The following NRXN1 variants were observed in gnomAD, a reference collection of about 807,000 sequenced individuals.
NRXN1 encodes neurexin 1.
A neutral mutation model predicts 150.9 loss-of-function variants in NRXN1; 39 were observed. That is an observed-to-expected ratio of 0.26 (90% CI 0.20 to 0.34). NRXN1 has a LOEUF of 0.34. Among genes scored for constraint, NRXN1 ranks in the 10% least tolerant of loss-of-function variants. The pLI is 1.00. For missense variants in NRXN1, 1,815 were observed against 1,949.9 expected (o/e 0.93, Z 1.30); for synonymous variants, 924 against 757.0 (o/e 1.22, Z -3.62).
Position 50,162,647 on chromosome 2 carries a change from A to T in NRXN1, c.3547-71153T>A, listed in dbSNP as rs575595288. 3.3e-5 allele frequency among the ~76,000 whole-genome samples: 5 copies of T among 152,268 alleles called. No homozygotes were observed. The East Asian group carries it at 9.6e-4, about 29-fold the overall frequency. On this transcript the variant is annotated intron_variant, in intron 18 of 22. Transcript: ENST00000401669. Reference sequence around the variant, plus strand: ...ACATGATTTCAAATGTATATTACACACACACACAATGGAATATAGACATTT... The same window carrying T: ...ACATGATTTCAAATGTATATTACACTCACACACAATGGAATATAGACATTT...
In NRXN1 at chr2:50,042,329, C is replaced by T. The variant is rs115105385; in HGVS notation, c.4128+10942G>A. 8.4e-3 allele frequency among the ~76,000 whole-genome samples: 1,275 copies of T among 152,182 alleles called. 11 individuals carry two copies. Among genetic ancestry groups the T allele is most frequent in the African/African-American group, 0.029 (1,207 of 41,544 alleles). On this transcript the variant is annotated intron_variant, in intron 21 of 22. Coordinates refer to ENST00000401669, the MANE Select transcript of NRXN1 (RefSeq NM_001330078.2). ...AACTGAATCAGGGAGGTGGTTTCCC[C>T]CATGCTATTCTCATGATGGTAAGTT...
chr2:50,026,398 C>A (rs530112036), intron 21 of NRXN1, among the ~76,000 whole-genome samples: 1 of 152,284 alleles, frequency 6.6e-6, no homozygotes, highest in South Asian at 2.1e-4. Context: ...TATTTTTCAA[C>A]ACCAAATGAA....
At chr2:50,500,128 AT>A in intron 13 of NRXN1, among the ~76,000 whole-genome samples, 1 of 152,212 alleles carries the variant, frequency 6.6e-6, no homozygotes, top group South Asian at 2.1e-4. Flanking sequence ...TCTGAAAAAA[AT>A]ATTTCTAACA....
intron 15 of NRXN1, among the ~76,000 whole-genome samples, chr2:50,492,222 T>C (rs2091292827): frequency 2.6e-5 from 4 of 152,214 alleles, no homozygotes; most frequent in Admixed American, 2.6e-4. Context: ...TGCATGTTGC[T>C]GCTTGTACAT....
rs932765962 is a variant in NRXN1, at chr2:50,745,305, C to CG, written c.833-121691_833-121690insC. 6.1e-5 allele frequency among the ~76,000 whole-genome samples: 9 copies of CG among 146,542 alleles called. No individual in the cohort carries two copies. The South Asian group carries it at 1.1e-3, about 19-fold the overall frequency. ...TATTTTTATATTTATATCTGCCCCCCCCCAGGACTGAAAAAAAACCACTTT... is the reference window on the plus strand; with the variant it reads ...TATTTTTATATTTATATCTGCCCCCCGCCCAGGACTGAAAAAAAACCACTTT... On this transcript the variant is annotated intron_variant, in intron 5 of 22. Transcript: ENST00000401669.
intron 19 of NRXN1, among the ~76,000 whole-genome samples, chr2:50,081,078 C>A (rs1171956500): frequency 6.6e-6 from 1 of 152,094 alleles, no homozygotes; most frequent in African/African-American, 2.4e-5. Context: ...GAATGTTCTA[C>A]TTTATTGGAT....
intron 17 of NRXN1, among the ~76,000 whole-genome samples, chr2:50,274,180 G>A (rs758312681): frequency 6.6e-6 from 1 of 151,698 alleles, no homozygotes; most frequent in Admixed American, 6.6e-5. Flanking sequence ...TATACACCAT[G>A]GAATACTATG....
chr2:50,312,503 G>A (rs2075264518), intron 17 of NRXN1, among the ~76,000 whole-genome samples: 1 of 151,498 alleles, frequency 6.6e-6, no homozygotes, highest in Non-Finnish European at 1.5e-5. Flanking sequence ...TTTCAATATA[G>A]CTAGTTTTGA....
At chr2:50,719,624 C>T (rs1307598691) in intron 5 of NRXN1, among the ~76,000 whole-genome samples, 1 of 151,812 alleles carries the variant, frequency 6.6e-6, no homozygotes, top group East Asian at 1.9e-4. Flanking sequence ...TGCAGTGAGC[C>T]AAGATCACAC....
intron 21 of NRXN1, among the ~76,000 whole-genome samples, chr2:49,971,057 A>G (rs186514545): frequency 2.0e-5 from 3 of 152,256 alleles, no homozygotes; most frequent in Admixed American, 2.0e-4. Flanking sequence ...TTTAAATGTC[A>G]TTTTCTAAAT....
chr2:50,280,155 G>A (rs1268534003), intron 17 of NRXN1, among the ~76,000 whole-genome samples: 1 of 151,752 alleles, frequency 6.6e-6, no homozygotes, highest in Non-Finnish European at 1.5e-5. Flanking sequence ...GCGGGCGCCT[G>A]TAGTCCCAGC....
In NRXN1 at chr2:51,028,214, G is replaced by A; in HGVS notation, c.60C>T (p.Leu20=). Residue 20 remains leucine, a synonymous_variant, in exon 2 of 23, where the codon CTC becomes CTT. Transcript: ENST00000401669. ...GCFLLCLSLL[L]LGCWAELGSG... ...TGCCCAGCTCCGCCCAGCAGCCCAGGAGCAGCAGCGAGAGGCACAGAAGAA... is the reference window on the plus strand; with the variant it reads ...TGCCCAGCTCCGCCCAGCAGCCCAGAAGCAGCAGCGAGAGGCACAGAAGAA... 2 of 1,480,532 alleles carry A rather than the reference G, an allele frequency of 1.4e-6. No homozygotes were observed. Among genetic ancestry groups the A allele is most frequent in the South Asian group, 2.8e-5 (2 of 71,980 alleles). 91.7% of individuals were successfully genotyped at this position (1,480,532 alleles called of 1,614,324 possible). A position where few individuals can be genotyped will look rare whatever the true frequency, so the allele number is the denominator to read the frequency against.
intron 17 of NRXN1, among the ~76,000 whole-genome samples, chr2:50,278,851 T>C (rs4971662): frequency 0.19 from 29,387 of 152,010 alleles, 3,033 homozygotes; most frequent in East Asian, 0.36. Context: ...CAAAATAACT[T>C]AATGATGTGT....
At chr2:50,603,403 G>T (rs1049200903) in intron 8 of NRXN1, among the ~76,000 whole-genome samples, 1 of 152,152 alleles carries the variant, frequency 6.6e-6, no homozygotes, top group Non-Finnish European at 1.5e-5. Flanking sequence ...GCTGCTTCTT[G>T]ATAATCTGAT....
chr2:50,843,463 G>A (rs2105938588), intron 5 of NRXN1, among the ~76,000 whole-genome samples: 1 of 152,288 alleles, frequency 6.6e-6, no homozygotes, highest in South Asian at 2.1e-4. Context: ...AAATAAAGAT[G>A]AGAGACTTTC....
chr2:50,325,921 C>CA (rs1201394485), intron 17 of NRXN1, among the ~76,000 whole-genome samples: 4 of 151,960 alleles, frequency 2.6e-5, no homozygotes, highest in Admixed American at 6.6e-5. Context: ...TAGAGCCTAA[C>CA]AAAAAAATGA....
rs1009374052 is a variant in NRXN1 at position 50,268,626 on chromosome 2, C to A, written c.3365-31656G>T. ...TCCCAGGGGGCGATTCCTTCCTTTT[C>A]TGAATCCCCATAGCACACATCACCC... On this transcript the variant is annotated intron_variant, in intron 17 of 22. Coordinates refer to ENST00000401669, the MANE Select transcript of NRXN1 (RefSeq NM_001330078.2). 5.3e-5 allele frequency among the ~76,000 whole-genome samples: 8 copies of A among 152,302 alleles called. No individual in the cohort carries two copies. The South Asian group carries it at 1.0e-3, about 20-fold the overall frequency.
At chr2:50,199,366 C>A (rs1436530634) in intron 18 of NRXN1, 2 of 151,830 alleles carry the variant, frequency 1.3e-5, no homozygotes, top group Non-Finnish European at 2.9e-5. Flanking sequence ...TAGTTAACTC[C>A]CAGAGAAATA....
chr2:50,427,139 T>C (rs1239690509), intron 17 of NRXN1, among the ~76,000 whole-genome samples: 1 of 152,172 alleles, frequency 6.6e-6, no homozygotes, highest in Non-Finnish European at 1.5e-5. Flanking sequence ...ATCACTGACA[T>C]CATCTAAATC....
Sources: gnomAD v4.1 joint callset for allele counts (sites outside exome capture counted in the v4.1 genomes callset) on GRCh38, gnomAD v4.1.1 for gene constraint, MANE v1.5 for transcripts, NCBI Gene and HGNC (gene_info 2026-07-23, HGNC 2026-07-21) for gene names.